Variants in PLEKHG1 observed in about 807,000 individuals in gnomAD.
PLEKHG1 encodes the protein pleckstrin homology and RhoGEF domain containing G1.
A neutral mutation model predicts 100.8 loss-of-function variants in PLEKHG1; 44 were observed. The ratio of observed to expected loss-of-function variants is 0.44; its 90% CI spans 0.34 to 0.56. The LOEUF is 0.56. PLEKHG1 is among the 20% of genes least tolerant of loss of function. PLEKHG1 has a pLI of 0.01. For missense variants in PLEKHG1, 1,545 were observed against 1,720.9 expected (o/e 0.90, Z 1.81); for synonymous variants, 640 against 662.5 (o/e 0.97, Z 0.52).
chr6:150,775,954 G>A (rs1280084030), intron 3 of PLEKHG1, among the ~76,000 whole-genome samples: 1 of 152,044 alleles, frequency 6.6e-6, no homozygotes, highest in Non-Finnish European at 1.5e-5. Flanking sequence ...GGATGCAGTG[G>A]GTTAAAATGC....
intron 3 of PLEKHG1, among the ~76,000 whole-genome samples, chr6:150,771,960 T>G (rs1784734555): frequency 6.6e-6 from 1 of 152,182 alleles, no homozygotes; most frequent in Admixed American, 6.5e-5. Flanking sequence ...CTCCTTTCTT[T>G]GTGTCTTATT....
intron 3 of PLEKHG1, among the ~76,000 whole-genome samples, chr6:150,776,712 C>T (rs1784985193): frequency 1.3e-5 from 2 of 151,358 alleles, no homozygotes; most frequent in Admixed American, 1.3e-4. Flanking sequence ...TGCGGTTGCA[C>T]ATCAGCCACA....
chr6:150,699,402 T>C (rs1352103677), intron 3 of PLEKHG1, among the ~76,000 whole-genome samples: 4 of 152,252 alleles, frequency 2.6e-5, no homozygotes, highest in African/African-American at 9.6e-5. Context: ...GCAACAGATA[T>C]TGTCTTGTAG....
At chr6:150,646,445 G>A (rs1333079470) in intron 2 of PLEKHG1, among the ~76,000 whole-genome samples, 1 of 152,044 alleles carries the variant, frequency 6.6e-6, no homozygotes, top group African/African-American at 2.4e-5. Context: ...CTGGGAGTAG[G>A]GCAAGGGAGA....
chr6:150,819,843 G>A, intron 12 of PLEKHG1, 69 bp downstream of exon 13: 1 of 878,054 alleles, frequency 1.1e-6, no homozygotes, highest in Non-Finnish European at 2.0e-6. Context: ...CTTTGAGTCT[G>A]ACAAAAGGGA....
chr6:150,773,185 G>A (rs1259521839), intron 3 of PLEKHG1, among the ~76,000 whole-genome samples: 2 of 152,066 alleles, frequency 1.3e-5, no homozygotes, highest in Admixed American at 6.6e-5. Context: ...GAGGCATGGT[G>A]TATAGTAAGG....
At chr6:150,809,877 C>G (rs1787385029) in intron 10 of PLEKHG1, 143 bp downstream of exon 11, 1 of 340,062 alleles carries the variant, frequency 2.9e-6, no homozygotes, top group African/African-American at 3.0e-5. Context: ...AAAATAAAAA[C>G]AAAGAGACTG....
At chr6:150,664,346 C>A (rs2128581973) in intron 3 of PLEKHG1, 1 of 152,320 alleles carries the variant, frequency 6.6e-6, no homozygotes, top group Admixed American at 6.5e-5. Flanking sequence ...GCAGGATCCA[C>A]CTCTAGGGCT....
At chr6:150,680,653 G>C (rs1039667672) in intron 3 of PLEKHG1, among the ~76,000 whole-genome samples, 12 of 152,216 alleles carry the variant, frequency 7.9e-5, no homozygotes, top group African/African-American at 2.9e-4. Context: ...ACAGTGGCCA[G>C]AAGTGTCAGA....
At chr6:150,610,483 G>A (rs1776779723) in intron 1 of PLEKHG1, among the ~76,000 whole-genome samples, 1 of 152,206 alleles carries the variant, frequency 6.6e-6, no homozygotes, top group African/African-American at 2.4e-5. Context: ...CTCCTTGATA[G>A]CAAGCATTGA....
At chr6:150,829,987 C>T (rs1320278868) in intron 14 of PLEKHG1, among the ~76,000 whole-genome samples, 2 of 152,130 alleles carry the variant, frequency 1.3e-5, no homozygotes, top group Admixed American at 6.5e-5. Flanking sequence ...AACTTCTATA[C>T]ATATTAATTT....
rs550339194 is a variant in PLEKHG1 at position 150,744,836 on chromosome 6, G to A, written c.411+10744G>A. The stretch of plus-strand genomic sequence containing the variant: ...TAGTTGAGTCAGTCCAAGGAAATCC[G>A]GGATATATGTGGTCCCAATCAGGCT... On this transcript the variant is annotated intron_variant, in intron 2 of 15. Coordinates refer to ENST00000358517, the Ensembl canonical transcript of PLEKHG1. Among the ~76,000 whole-genome samples, 16 of 152,264 alleles carry A rather than the reference G, an allele frequency of 1.1e-4. No homozygotes were observed. The East Asian group carries it at 1.5e-3, about 15-fold the overall frequency.
intron 4 of PLEKHG1, among the ~76,000 whole-genome samples, chr6:150,788,797 C>T (rs1785784170): frequency 1.3e-5 from 2 of 152,156 alleles, no homozygotes; most frequent in African/African-American, 4.8e-5. Context: ...TACTCTCCCT[C>T]GTTGTGTGGC....
intron 14 of PLEKHG1, among the ~76,000 whole-genome samples, chr6:150,825,405 C>A (rs1391639277): frequency 6.6e-6 from 1 of 151,948 alleles, no homozygotes; most frequent in African/African-American, 2.4e-5. Context: ...GGCAAAACCC[C>A]CTCTCTACAA....
chr6:150,761,305 C>T lies in PLEKHG1; in HGVS notation c.412-7333C>T, dbSNP rs529193615. ...ATGTTTAGTAGAGACGAGGTTTCAC[C>T]GTGTCAGCCAGGATGGTCTCGATTA... On this transcript the variant is annotated intron_variant, in intron 2 of 15. Transcript: ENST00000358517. Among the ~76,000 whole-genome samples, 13 of 151,514 alleles carry T rather than the reference C, an allele frequency of 8.6e-5. 1 individual carries two copies. Among genetic ancestry groups the T allele is most frequent in the Admixed American group, 7.2e-4 (11 of 15,208 alleles).
chr6:150,731,936 A>G (rs997975707), intron 1 of PLEKHG1, among the ~76,000 whole-genome samples: 1 of 146,450 alleles, frequency 6.8e-6, no homozygotes, highest in Non-Finnish European at 1.5e-5. Context: ...CCAACATCAT[A>G]TTTAAATGCT....
chr6:150,610,730 T>G (rs964224553), intron 1 of PLEKHG1, among the ~76,000 whole-genome samples: 1 of 152,220 alleles, frequency 6.6e-6, no homozygotes, highest in Admixed American at 6.5e-5. Context: ...GAAATTGTTT[T>G]TGTTTGAATG....
At chr6:150,722,281 A>C (rs1022707754) in intron 1 of PLEKHG1, among the ~76,000 whole-genome samples, 1 of 144,172 alleles carries the variant, frequency 6.9e-6, no homozygotes, top group Non-Finnish European at 1.5e-5. Flanking sequence ...AAATGGCTTT[A>C]TTTACTTGGA....
intron 4 of PLEKHG1, among the ~76,000 whole-genome samples, chr6:150,787,776 T>C (rs950084261): frequency 6.6e-6 from 1 of 152,180 alleles, no homozygotes; most frequent in African/African-American, 2.4e-5. Flanking sequence ...CATGGGCTTA[T>C]ATGTAAAGGC....
Sources: gnomAD v4.1 joint callset for allele counts (sites outside exome capture counted in the v4.1 genomes callset) on GRCh38, gnomAD v4.1.1 for gene constraint, MANE v1.5 for transcripts, NCBI Gene and HGNC (gene_info 2026-07-23, HGNC 2026-07-21) for gene names.